The following ZFHX3 variants were observed in gnomAD, a reference collection of about 807,000 sequenced individuals.
ZFHX3 encodes zinc finger homeobox 3.
In ZFHX3, 42 loss-of-function variants were observed where a neutral mutation model predicts 279.1. The observed-to-expected ratio is 0.15, with a 90% confidence interval of 0.12 to 0.19. ZFHX3 has a LOEUF of 0.19. ZFHX3 is among the 10% of genes least tolerant of loss of function. ZFHX3 has a pLI of 1.00. For synonymous variants in ZFHX3, 2,293 were observed against 1,957.8 expected (o/e 1.17, Z -4.52); for missense variants, 4,981 against 4,754.0 (o/e 1.05, Z -1.40).
At chr16:73,610,572 A>C (rs2052235469) in intron 2 of ZFHX3, among the ~76,000 whole-genome samples, 1 of 152,228 alleles carries the variant, frequency 6.6e-6, no homozygotes, top group African/African-American at 2.4e-5. Context: ...TAACTGAAAC[A>C]CTACATTAAA....
intron 1 of ZFHX3, among the ~76,000 whole-genome samples, chr16:73,696,703 G>A (rs1460108032): frequency 6.6e-6 from 1 of 152,132 alleles, no homozygotes; most frequent in Admixed American, 6.5e-5. Flanking sequence ...CTGGTAAGTG[G>A]CAGTCTGATT....
chr16:73,281,830 G>T (rs1158852614), intron 4 of ZFHX3, among the ~76,000 whole-genome samples: 3 of 152,044 alleles, frequency 2.0e-5, no homozygotes, highest in South Asian at 2.1e-4. Context: ...CAAACAAAAG[G>T]CTTGTGAAAC....
intron 5 of ZFHX3, among the ~76,000 whole-genome samples, chr16:73,182,601 A>G (rs1967822290): frequency 6.6e-6 from 1 of 152,244 alleles, no homozygotes; most frequent in African/African-American, 2.4e-5. Context: ...TGTATTAATC[A>G]CAGCACTATC....
intron 3 of ZFHX3, among the ~76,000 whole-genome samples, chr16:73,330,735 A>G (rs1415475798): frequency 6.6e-6 from 1 of 152,154 alleles, no homozygotes; most frequent in Non-Finnish European, 1.5e-5. Context: ...TCAAATATTT[A>G]TGATTGTGGT....
intron 8 of ZFHX3, among the ~76,000 whole-genome samples, chr16:73,079,669 C>A (rs550624872): frequency 3.4e-4 from 51 of 152,054 alleles, no homozygotes; most frequent in African/African-American, 1.2e-3. Flanking sequence ...TACTTGGAAA[C>A]CTACACATGC....
chr16:73,702,545 T>C (rs867025481), intron 1 of ZFHX3, among the ~76,000 whole-genome samples: 1 of 152,058 alleles, frequency 6.6e-6, no homozygotes, highest in Non-Finnish European at 1.5e-5. Flanking sequence ...AAAAATCGCA[T>C]GAGATTAGTG....
intron 3 of ZFHX3, among the ~76,000 whole-genome samples, chr16:73,352,957 G>A (rs1448924670): frequency 6.6e-6 from 1 of 152,156 alleles, no homozygotes; most frequent in Non-Finnish European, 1.5e-5. Context: ...CTGACCAGAA[G>A]CCTCATGGTC....
At chr16:73,028,127 C>T (rs1045075664) in intron 1 of ZFHX3, among the ~76,000 whole-genome samples, 2 of 152,038 alleles carry the variant, frequency 1.3e-5, no homozygotes, top group African/African-American at 4.8e-5. Context: ...GCGGCTTCTC[C>T]TTTTTTTGGG....
chr16:73,735,376 T>G (rs2053600666), intron 1 of ZFHX3, among the ~76,000 whole-genome samples: 2 of 144,462 alleles, frequency 1.4e-5, no homozygotes, highest in South Asian at 2.2e-4. Context: ...GTTCCATGTG[T>G]GCTTCTAAAA....
chr16:73,170,457 T>A (rs1402940263), intron 5 of ZFHX3, among the ~76,000 whole-genome samples: 1 of 152,060 alleles, frequency 6.6e-6, no homozygotes, highest in Non-Finnish European at 1.5e-5. Flanking sequence ...CTCGAACTCC[T>A]GACCTCAGGT....
intron 1 of ZFHX3, among the ~76,000 whole-genome samples, chr16:72,968,347 G>A (rs572975480): frequency 5.3e-5 from 8 of 152,140 alleles, no homozygotes; most frequent in African/African-American, 1.2e-4. Flanking sequence ...ACTAATGAAC[G>A]TTATGCATAA....
intron 1 of ZFHX3, among the ~76,000 whole-genome samples, chr16:73,887,363 A>G (rs547052917): frequency 1.3e-5 from 2 of 152,334 alleles, no homozygotes; most frequent in East Asian, 3.9e-4. Context: ...CCAAAGAAAA[A>G]GGTTTATAAA....
At chr16:73,070,930 GCGCGCGCGCACACACA>G (rs1306809850) in intron 8 of ZFHX3, among the ~76,000 whole-genome samples, 2 of 26,938 alleles carry the variant, frequency 7.4e-5, no homozygotes, top group African/African-American at 8.8e-5. Flanking sequence ...GCGCGCGCGC[GCGCGCGCGCACACACA>G]CACACACACA....
At chr16:72,830,601 A>G (rs2037038578) in intron 4 of ZFHX3, among the ~76,000 whole-genome samples, 1 of 152,208 alleles carries the variant, frequency 6.6e-6, no homozygotes, top group South Asian at 2.1e-4. Context: ...ACCTCTCTCC[A>G]GTTCAGTACA....
chr16:73,280,083 T>C (rs1475920849), intron 4 of ZFHX3, among the ~76,000 whole-genome samples: 2 of 152,008 alleles, frequency 1.3e-5, no homozygotes, highest in South Asian at 2.1e-4. Flanking sequence ...AAGAATGAAA[T>C]TGGACCCCTG....
chr16:73,633,680 G>T (rs1405910146), intron 2 of ZFHX3, among the ~76,000 whole-genome samples: 1 of 152,172 alleles, frequency 6.6e-6, no homozygotes, highest in Non-Finnish European at 1.5e-5. Flanking sequence ...GCGTGGATTG[G>T]CATGGACTTT....
intron 3 of ZFHX3, among the ~76,000 whole-genome samples, chr16:73,429,804 T>C (rs949752112): frequency 1.3e-5 from 2 of 152,196 alleles, no homozygotes; most frequent in Non-Finnish European, 2.9e-5. Context: ...CACAGCTCCC[T>C]GGGAAAACCA....
At chr16:73,119,219 T>G (rs762861397) in intron 7 of ZFHX3, among the ~76,000 whole-genome samples, 20 of 152,290 alleles carry the variant, frequency 1.3e-4, no homozygotes, top group Admixed American at 5.2e-4. Flanking sequence ...TCCTCCTGCC[T>G]CAGCCTCCTG....
At chr16:73,698,442 A>G (rs2053217585) in intron 1 of ZFHX3, among the ~76,000 whole-genome samples, 1 of 152,186 alleles carries the variant, frequency 6.6e-6, no homozygotes. Flanking sequence ...AAGAACTCAT[A>G]ATATTTGATA....
Sources: allele counts gnomAD v4.1 joint callset (sites outside exome capture counted in the v4.1 genomes callset), GRCh38; gene constraint gnomAD v4.1.1; transcripts MANE v1.5; gene names NCBI Gene and HGNC (gene_info 2026-07-23, HGNC 2026-07-21).